Variants in KCNJ3 observed in about 807,000 individuals in gnomAD.
KCNJ3 encodes G protein-activated inward rectifier potassium channel 1.
Under a neutral mutation model 39.2 loss-of-function variants are expected in KCNJ3, and 4 were observed. That is an observed-to-expected ratio of 0.10 (90% confidence interval 0.05 to 0.23). KCNJ3 has a LOEUF of 0.23. Ranked by LOEUF, KCNJ3 falls within the 10% of genes least tolerant of loss-of-function variation. KCNJ3 has a pLI of 1.00. For missense variants in KCNJ3, 276 were observed against 634.9 expected, an observed-to-expected ratio of 0.43 and a Z score of 6.08; for synonymous variants, 230 against 237.4, an observed-to-expected ratio of 0.97 and a Z score of 0.29.
At chr2:154,785,595 C>A (rs1016696451) in intron 2 of KCNJ3, among the ~76,000 whole-genome samples, 1 of 152,136 alleles carries the variant, frequency 6.6e-6, no homozygotes, top group African/African-American at 2.4e-5. Context: ...GGCTCCCACA[C>A]CATGTGATGC....
chr2:154,750,183 A>C lies in KCNJ3; in HGVS notation c.919+40364A>C, dbSNP rs181750852. Among the ~76,000 whole-genome samples, 259 of 152,180 alleles carry C rather than the reference A, an allele frequency of 1.7e-3. 2 individuals carry two copies. The highest frequency in any genetic ancestry group is 7.7e-3 in the South Asian group (37 of 4,830). Reference sequence around the variant, plus strand: ...TTATGACTATTATGTGCAACATATAAATGAAATAAGAGCTTCCTTATGTTT... The same window carrying C: ...TTATGACTATTATGTGCAACATATACATGAAATAAGAGCTTCCTTATGTTT... On this transcript the variant is annotated intron_variant, in intron 2 of 2. Coordinates refer to ENST00000295101, the MANE Select transcript of KCNJ3 (RefSeq NM_002239.4).
intron 2 of KCNJ3, among the ~76,000 whole-genome samples, chr2:154,767,279 G>A (rs1375453319): frequency 2.6e-5 from 4 of 151,834 alleles, no homozygotes; most frequent in Non-Finnish European, 5.9e-5. Flanking sequence ...TTGGTGTGCT[G>A]CACCCATTAA....
At position 154,855,213 on chromosome 2, in the gene KCNJ3, A is replaced by C; in HGVS notation, c.1406A>C (p.Asp469Ala). 6.2e-7 allele frequency: 1 copy of C among 1,613,858 alleles called. No homozygotes were observed. Among genetic ancestry groups the C allele is most frequent in the African/African-American group, 1.3e-5 (1 of 75,040 alleles). The stretch of plus-strand genomic sequence containing the variant: ...GATCCCATGAGCCAGTCTGTGGCTG[A>C]TTTGCCACCAAAGCTTCAAAAGATG... Reference protein sequence around the residue: ...LSDPMSQSVADLPPKLQKMAG... With the variant: ...LSDPMSQSVAALPPKLQKMAG... Residue 469 changes from aspartate to alanine, a missense_variant, in exon 3 of 3, where the codon GAT becomes GCT. By Grantham distance (126) the Asp-to-Ala change is moderately radical. Around this residue, in one of 4 missense-constraint regions of KCNJ3, gnomAD observed 126 missense variants for 179.8 expected, o/e 0.70. Transcript: ENST00000295101.
At chr2:154,798,675 T>C (rs532729994) in intron 2 of KCNJ3, among the ~76,000 whole-genome samples, 6 of 152,198 alleles carry the variant, frequency 3.9e-5, no homozygotes, top group Non-Finnish European at 8.8e-5. Flanking sequence ...CTTCATTTAA[T>C]ATTTTTAAAA....
intron 2 of KCNJ3, among the ~76,000 whole-genome samples, chr2:154,752,832 A>G (rs936138509): frequency 6.6e-6 from 1 of 152,062 alleles, no homozygotes; most frequent in African/African-American, 2.4e-5. Flanking sequence ...GAAGTTATTC[A>G]TGATATGACT....
chr2:154,836,568 A>C (rs1166053336), intron 2 of KCNJ3, among the ~76,000 whole-genome samples: 1 of 151,718 alleles, frequency 6.6e-6, no homozygotes, highest in Non-Finnish European at 1.5e-5. Flanking sequence ...TTGTATATAC[A>C]TGGTCAAAGC....
chr2:154,708,802 C>T (rs977988349), intron 1 of KCNJ3, among the ~76,000 whole-genome samples: 5 of 152,116 alleles, frequency 3.3e-5, no homozygotes, highest in Non-Finnish European at 7.4e-5. Context: ...GTGATTTATA[C>T]CGAAACTGAA....
At chr2:154,839,376 A>G (rs1687535088) in intron 2 of KCNJ3, among the ~76,000 whole-genome samples, 1 of 152,168 alleles carries the variant, frequency 6.6e-6, no homozygotes, top group Non-Finnish European at 1.5e-5. Context: ...GCTATTGTGA[A>G]TAGTGCTGCA....
intron 2 of KCNJ3, among the ~76,000 whole-genome samples, chr2:154,777,558 T>C (rs1686360117): frequency 6.6e-6 from 1 of 152,238 alleles, no homozygotes; most frequent in Non-Finnish European, 1.5e-5. Flanking sequence ...TGCAAATTGA[T>C]ACTTTTTTAT....
chr2:154,712,833 G>T (rs1013696680), intron 2 of KCNJ3, among the ~76,000 whole-genome samples: 4 of 152,018 alleles, frequency 2.6e-5, no homozygotes, highest in Admixed American at 6.6e-5. Context: ...GGGATAAAGG[G>T]TTCCTGTAGG....
intron 2 of KCNJ3, among the ~76,000 whole-genome samples, chr2:154,747,077 T>C (rs1043607339): frequency 6.6e-6 from 1 of 151,972 alleles, no homozygotes; most frequent in Non-Finnish European, 1.5e-5. Context: ...ACATTTTAGT[T>C]GTATAAAGCA....
intron 1 of KCNJ3, among the ~76,000 whole-genome samples, chr2:154,702,134 C>A (rs972874365): frequency 6.6e-6 from 1 of 151,936 alleles, no homozygotes; most frequent in African/African-American, 2.4e-5. Flanking sequence ...ATGTCCCTAT[C>A]AGTTTTATAC....
At chr2:154,844,612 G>A (rs1238098616) in intron 2 of KCNJ3, among the ~76,000 whole-genome samples, 1 of 152,196 alleles carries the variant, frequency 6.6e-6, no homozygotes, top group Admixed American at 6.5e-5. Context: ...CCCAGTTCAA[G>A]CTTCCCGGTC....
chr2:154,745,218 T>C (rs1469830506), intron 2 of KCNJ3, among the ~76,000 whole-genome samples: 1 of 151,986 alleles, frequency 6.6e-6, no homozygotes, highest in Non-Finnish European at 1.5e-5. Context: ...TGGAATGTTT[T>C]TTGTGAATTA....
chr2:154,805,821 A>T (rs1313969583), intron 2 of KCNJ3, among the ~76,000 whole-genome samples: 1 of 152,144 alleles, frequency 6.6e-6, no homozygotes, highest in Non-Finnish European at 1.5e-5. Flanking sequence ...AATAGGATTT[A>T]AAAAAATTAT....
rs569929299 is a variant in KCNJ3, at chr2:154,853,238, C to G, written c.920-1489C>G. Among the ~76,000 whole-genome samples, 31 of 151,190 alleles carry G rather than the reference C, an allele frequency of 2.1e-4. No homozygotes were observed. The South Asian group carries it at 6.3e-3, about 31-fold the overall frequency. On this transcript the variant is annotated intron_variant, in intron 2 of 2. Transcript: ENST00000295101. The stretch of plus-strand genomic sequence containing the variant: ...TTTTCTACATGAGTTTATTTTAAAA[C>G]TGTCTTGAAAAAACATAGTATATAG...
intron 2 of KCNJ3, among the ~76,000 whole-genome samples, chr2:154,799,155 A>G (rs946807653): frequency 6.6e-6 from 1 of 152,198 alleles, no homozygotes; most frequent in Non-Finnish European, 1.5e-5. Context: ...TGTTTTTAAC[A>G]GAGTCTTGCT....
intron 2 of KCNJ3, among the ~76,000 whole-genome samples, chr2:154,716,125 C>T (rs1043627385): frequency 1.3e-5 from 2 of 151,554 alleles, no homozygotes; most frequent in African/African-American, 4.9e-5. Flanking sequence ...GAGATGGAGT[C>T]TCATTCTGTT....
chr2:154,778,767 A>G (rs1229485306), intron 2 of KCNJ3, among the ~76,000 whole-genome samples: 1 of 152,164 alleles, frequency 6.6e-6, no homozygotes, highest in African/African-American at 2.4e-5. Context: ...ATTGGGAATA[A>G]TTCTTTTTTC....
Sources: gnomAD v4.1 joint callset for allele counts (sites outside exome capture counted in the v4.1 genomes callset) on GRCh38, gnomAD v4.1.1 for gene constraint, gnomAD v4.1.1 regional missense constraint, MANE v1.5 for transcripts, NCBI Gene and HGNC (gene_info 2026-07-23, HGNC 2026-07-21) for gene names.